Variants in CSGALNACT1 observed in about 807,000 individuals in gnomAD.
CSGALNACT1 encodes chondroitin sulfate N-acetylgalactosaminyltransferase 1, also known as beta4GalNAcT-1.
CSGALNACT1 carries 52 observed loss-of-function variants against 51.0 expected under a neutral mutation model. The observed-to-expected ratio is 1.02, with a 90% CI of 0.82 to 1.29. CSGALNACT1 has a LOEUF of 1.29. Among genes scored for constraint, CSGALNACT1 ranks in the 50% most tolerant of loss-of-function variants. The pLI, the probability that CSGALNACT1 is intolerant of heterozygous loss-of-function variation, is 0.00. For missense variants in CSGALNACT1, 935 were observed against 679.2 expected, an observed-to-expected ratio of 1.38 and a Z score of -4.19; for synonymous variants, 341 against 254.4, an observed-to-expected ratio of 1.34 and a Z score of -3.24.
intron 3 of CSGALNACT1, among the ~76,000 whole-genome samples, chr8:19,520,889 G>A (rs1425693617): frequency 6.6e-6 from 1 of 152,206 alleles, no homozygotes; most frequent in African/African-American, 2.4e-5. Flanking sequence ...GCAAATCGGG[G>A]TCTCTAGTCC....
rs370479035 is a variant in CSGALNACT1, at chr8:19,714,914, C to T, written c.-297+42936G>A. Among the ~76,000 whole-genome samples, 4 of 152,174 alleles carry T rather than the reference C, an allele frequency of 2.6e-5. No homozygotes were observed. In the East Asian group the frequency reaches 7.7e-4, roughly 29 times the overall value. The stretch of plus-strand genomic sequence containing the variant: ...TAAGTAGGCTTTTGATCCACATCCT[C>T]CTTCCATCCTCTACCCTCAAGTGGG... On this transcript the variant is annotated intron_variant, in intron 1 of 1. Transcript: ENST00000517494.
intron 3 of CSGALNACT1, among the ~76,000 whole-genome samples, chr8:19,511,540 T>C (rs939242733): frequency 6.6e-6 from 1 of 152,222 alleles, no homozygotes; most frequent in African/African-American, 2.4e-5. Flanking sequence ...GTAAACTTTA[T>C]TTGAACATAT....
chr8:19,479,946 T>C (rs2070895685), intron 4 of CSGALNACT1, among the ~76,000 whole-genome samples: 1 of 152,176 alleles, frequency 6.6e-6, no homozygotes, highest in African/African-American at 2.4e-5. Flanking sequence ...ATATAAATAT[T>C]GGGATGACAG....
chr8:19,516,258 C>G (rs929591253), intron 3 of CSGALNACT1, among the ~76,000 whole-genome samples: 1 of 152,156 alleles, frequency 6.6e-6, no homozygotes, highest in African/African-American at 2.4e-5. Flanking sequence ...GAAACAGAAA[C>G]TGAAGCTTAA....
At chr8:19,536,853 T>C (rs1218676132) in intron 3 of CSGALNACT1, among the ~76,000 whole-genome samples, 1 of 152,164 alleles carries the variant, frequency 6.6e-6, no homozygotes, top group Non-Finnish European at 1.5e-5. Context: ...CAGAAATAGG[T>C]ACAACTGCTA....
exon 1 of CSGALNACT1, chr8:19,602,477 G>A (rs940045762): frequency 1.3e-5 from 2 of 152,798 alleles, no homozygotes; most frequent in African/African-American, 2.4e-5. Context: ...AACGCCGCTG[G>A]TGAGGACCGA....
At chr8:19,439,979 A>G in intron 5 of CSGALNACT1, 48 bp from the exon 5 acceptor site, 2 of 1,467,884 alleles carry the variant, frequency 1.4e-6, no homozygotes, top group Non-Finnish European at 9.5e-7. Context: ...TCACACTGAC[A>G]GGCACAGCAC....
At chr8:19,748,691 G>C (rs539416603) in intron 1 of CSGALNACT1, among the ~76,000 whole-genome samples, 3 of 152,154 alleles carry the variant, frequency 2.0e-5, no homozygotes, top group South Asian at 2.1e-4. Flanking sequence ...TAGGCTGAGC[G>C]CAGTGGCTCA....
intron 3 of CSGALNACT1, among the ~76,000 whole-genome samples, chr8:19,550,848 A>G (rs1375888712): frequency 6.6e-6 from 1 of 152,220 alleles, no homozygotes; most frequent in Non-Finnish European, 1.5e-5. Flanking sequence ...AGATTTTCAC[A>G]GAAAACTCCT....
chr8:19,730,394 T>C (rs1246711148), intron 1 of CSGALNACT1, among the ~76,000 whole-genome samples: 2 of 152,178 alleles, frequency 1.3e-5, no homozygotes, highest in African/African-American at 4.8e-5. Flanking sequence ...AAGCTGCTAA[T>C]AAAGAAATTG....
At chr8:19,533,300 T>A (rs1455053491) in intron 3 of CSGALNACT1, among the ~76,000 whole-genome samples, 1 of 151,948 alleles carries the variant, frequency 6.6e-6, no homozygotes, top group Non-Finnish European at 1.5e-5. Flanking sequence ...TATTTTTATT[T>A]TTATAGAGAT....
intron 1 of CSGALNACT1, among the ~76,000 whole-genome samples, chr8:19,610,331 G>C (rs1489602997): frequency 1.3e-5 from 2 of 150,940 alleles, no homozygotes; most frequent in Non-Finnish European, 2.9e-5. Context: ...GAGGGGAAGG[G>C]AAGTGCTGGG....
intron 1 of CSGALNACT1, among the ~76,000 whole-genome samples, chr8:19,725,095 G>T (rs1051474514): frequency 6.6e-6 from 1 of 152,146 alleles, no homozygotes; most frequent in Non-Finnish European, 1.5e-5. Flanking sequence ...CCTGATGCAG[G>T]GTTCATCCTT....
At chr8:19,433,146 A>T (rs1201651084) in intron 6 of CSGALNACT1, among the ~76,000 whole-genome samples, 1 of 152,166 alleles carries the variant, frequency 6.6e-6, no homozygotes, top group East Asian at 1.9e-4. Context: ...TTATTGTGCG[A>T]CCACTTAATG....
intron 1 of CSGALNACT1, among the ~76,000 whole-genome samples, chr8:19,612,756 T>C (rs928074050): frequency 1.3e-5 from 2 of 151,992 alleles, no homozygotes; most frequent in Non-Finnish European, 2.9e-5. Flanking sequence ...CTAATTCTTA[T>C]TCGTTCTTTA....
At chr8:19,682,191 A>C (rs957819601) in intron 1 of CSGALNACT1, among the ~76,000 whole-genome samples, 1 of 152,096 alleles carries the variant, frequency 6.6e-6, no homozygotes, top group Non-Finnish European at 1.5e-5. Context: ...TAGAACTTGG[A>C]AACAGCTACT....
chr8:19,505,836 C>T lies in CSGALNACT1; in HGVS notation c.-2G>A. The T allele has an allele frequency of 6.2e-7, 1 of 1,609,742 alleles. No individual in the cohort carries two copies. The highest frequency in any genetic ancestry group is 8.5e-7 in the Non-Finnish European group (1 of 1,179,986). On this transcript the variant is annotated 5_prime_UTR_variant, in exon 4 of 10. The change abolishes the stop of an existing upstream ORF in the 5' untranslated region. Coordinates refer to ENST00000454498, the Ensembl canonical transcript of CSGALNACT1. ...CAGCCCCCGGCGAACCATCATCATT[C>T]AGGAATCAGCCATGCGTCCAGAACC...
chr8:19,509,978 A>G (rs1200903525), intron 3 of CSGALNACT1, among the ~76,000 whole-genome samples: 3 of 152,204 alleles, frequency 2.0e-5, no homozygotes, highest in Admixed American at 2.0e-4. Flanking sequence ...CAGAGAGAGT[A>G]GGGAGCAAGG....
intron 8 of CSGALNACT1, among the ~76,000 whole-genome samples, chr8:19,408,937 C>T (rs1158650820): frequency 2.0e-5 from 3 of 147,790 alleles, no homozygotes; most frequent in Non-Finnish European, 4.5e-5. Context: ...GTTTCTAGGG[C>T]ATAGATATGA....
Sources: gnomAD v4.1 joint callset for allele counts (sites outside exome capture counted in the v4.1 genomes callset) on GRCh38, gnomAD v4.1.1 for gene constraint, MANE v1.5 for transcripts, NCBI Gene and HGNC (gene_info 2026-07-23, HGNC 2026-07-21) for gene names.